Variants in NOX3 observed in about 807,000 individuals in gnomAD.
NOX3 encodes NADPH oxidase catalytic subunit-like 3.
Under a neutral mutation model 76.7 loss-of-function variants are expected in NOX3, and 74 were observed. The observed-to-expected ratio is 0.96, with a 90% CI of 0.80 to 1.17. The LOEUF is 1.17. Among genes scored for constraint, NOX3 ranks in the 50% most tolerant of loss-of-function variants. NOX3 has a pLI of 0.00. For missense variants in NOX3, 695 were observed against 703.3 expected (o/e 0.99, Z 0.13); for synonymous variants, 263 against 261.1 (o/e 1.01, Z -0.07).
chr6:155,423,728 T>G (rs931171703), intron 9 of NOX3, among the ~76,000 whole-genome samples: 4 of 151,026 alleles, frequency 2.6e-5, no homozygotes, highest in African/African-American at 9.7e-5. Context: ...TTTCTGTTCT[T>G]TTCTTTTTCT....
At chr6:155,414,445 C>A (rs1395393970) in intron 10 of NOX3, among the ~76,000 whole-genome samples, 2 of 151,996 alleles carry the variant, frequency 1.3e-5, no homozygotes, top group Admixed American at 6.6e-5. Flanking sequence ...AGAAAGCATG[C>A]CTTTTCAGAA....
chr6:155,441,084 A>G (rs1354476118), intron 5 of NOX3, among the ~76,000 whole-genome samples: 1 of 152,218 alleles, frequency 6.6e-6, no homozygotes, highest in African/African-American at 2.4e-5. Flanking sequence ...CTGTGAGTGC[A>G]AGGGACAGTA....
At chr6:155,427,402 A>AC (rs1776771741) in intron 9 of NOX3, among the ~76,000 whole-genome samples, 1 of 152,262 alleles carries the variant, frequency 6.6e-6, no homozygotes, top group Non-Finnish European at 1.5e-5. Context: ...TTTGTCACCA[A>AC]TAAATATTTG....
At chr6:155,411,918 T>C (rs1776556906) in intron 10 of NOX3, among the ~76,000 whole-genome samples, 1 of 152,156 alleles carries the variant, frequency 6.6e-6, no homozygotes, top group African/African-American at 2.4e-5. Context: ...AGCTGGTGGG[T>C]GGCGGCTGTG....
chr6:155,446,775 T>A (rs1340238381), intron 4 of NOX3, among the ~76,000 whole-genome samples: 2 of 152,176 alleles, frequency 1.3e-5, no homozygotes, highest in African/African-American at 2.4e-5. Flanking sequence ...GTCCTCATTG[T>A]AGGTTGGTGT....
At chr6:155,402,832 G>A (rs1203644422) in intron 12 of NOX3, among the ~76,000 whole-genome samples, 1 of 152,178 alleles carries the variant, frequency 6.6e-6, no homozygotes, top group Non-Finnish European at 1.5e-5. Flanking sequence ...AAATGGTTGA[G>A]AGCCTACTTC....
intron 11 of NOX3, among the ~76,000 whole-genome samples, chr6:155,410,226 A>T (rs1463196230): frequency 6.6e-6 from 1 of 152,178 alleles, no homozygotes; most frequent in Non-Finnish European, 1.5e-5. Context: ...TCATTAAGCT[A>T]CTGAATTTCT....
rs1479365654 is a variant in NOX3 at position 155,395,496 on chromosome 6, C to T, written c.*106G>A. 3 of 152,102 alleles carry T rather than the reference C, an allele frequency of 2.0e-5. No individual in the cohort carries two copies. The highest frequency in any genetic ancestry group is 2.9e-5 in the Non-Finnish European group (2 of 68,020). The allele number at this position is 152,102 out of a possible 1,614,324, so 9.4% of individuals were successfully genotyped here. A position where few individuals can be genotyped will look rare whatever the true frequency, so the allele number is the denominator to read the frequency against. ...ATAGTTAATTATTATTCACCAGTTC[C>T]CAACTGGGAGCTCATATCAACAGGC... On this transcript the variant is annotated 3_prime_UTR_variant, in exon 14 of 14. Coordinates refer to ENST00000159060, the MANE Select transcript of NOX3 (RefSeq NM_015718.3).
chr6:155,407,372 G>A, intron 11 of NOX3, 118 bp from the exon 12 acceptor site: 1 of 947,594 alleles, frequency 1.1e-6, no homozygotes, highest in Non-Finnish European at 1.5e-6. Context: ...TACAGGGCTG[G>A]CAATGCTTAT....
At chr6:155,427,531 G>A (rs899081393) in intron 9 of NOX3, among the ~76,000 whole-genome samples, 3 of 152,200 alleles carry the variant, frequency 2.0e-5, no homozygotes, top group African/African-American at 7.2e-5. Context: ...GAGATTCCGA[G>A]GAGGAAAGAC....
chr6:155,432,159 G>C (rs1318294912), intron 7 of NOX3, among the ~76,000 whole-genome samples: 2 of 151,814 alleles, frequency 1.3e-5, no homozygotes, highest in South Asian at 4.2e-4. Context: ...ATAAGGTCAG[G>C]GTAAATTACT....
chr6:155,421,646 G>C (rs774476651), intron 10 of NOX3, among the ~76,000 whole-genome samples: 3 of 152,020 alleles, frequency 2.0e-5, no homozygotes, highest in South Asian at 2.1e-4. Context: ...TCACTGCTTT[G>C]AACTCCCTAA....
At chr6:155,445,895 A>G (rs1029066378) in intron 4 of NOX3, among the ~76,000 whole-genome samples, 2 of 129,102 alleles carry the variant, frequency 1.5e-5, no homozygotes, top group African/African-American at 5.6e-5. Context: ...TGCTATATAT[A>G]TATATTATAT....
chr6:155,434,654 A>G (rs1017738765), intron 7 of NOX3, among the ~76,000 whole-genome samples: 3 of 152,202 alleles, frequency 2.0e-5, no homozygotes, highest in African/African-American at 7.2e-5. Context: ...CTCAGTCTTC[A>G]TATATTTTTA....
At chr6:155,396,086 A>G (rs1273724036) in intron 13 of NOX3, among the ~76,000 whole-genome samples, 1 of 152,200 alleles carries the variant, frequency 6.6e-6, no homozygotes, top group African/African-American at 2.4e-5. Context: ...ATGGAATTGA[A>G]TTTGAAAAAG....
intron 13 of NOX3, among the ~76,000 whole-genome samples, chr6:155,396,011 A>G (rs1233754389): frequency 4.6e-5 from 7 of 152,230 alleles, no homozygotes; most frequent in Non-Finnish European, 1.0e-4. Context: ...ATAAGCTCTA[A>G]GAAAGTCCCT....
intron 6 of NOX3, among the ~76,000 whole-genome samples, chr6:155,439,346 T>A (rs904571737): frequency 2.2e-4 from 33 of 152,314 alleles, no homozygotes; most frequent in African/African-American, 7.0e-4. Context: ...GGGGCTATGC[T>A]AGCTTCCTGA....
intron 4 of NOX3, among the ~76,000 whole-genome samples, chr6:155,449,785 T>C (rs1335322802): frequency 1.3e-5 from 2 of 152,170 alleles, no homozygotes; most frequent in Non-Finnish European, 2.9e-5. Flanking sequence ...TTTCCAAGGT[T>C]ACACACCTCT....
intron 11 of NOX3, 78 bp downstream of exon 11, chr6:155,411,136 A>G: frequency 8.0e-7 from 1 of 1,250,760 alleles, no homozygotes; most frequent in Non-Finnish European, 1.1e-6. Flanking sequence ...AGTGCTACAT[A>G]GCTCATTATT....
Sources: gnomAD v4.1 joint callset for allele counts (sites outside exome capture counted in the v4.1 genomes callset) on GRCh38, gnomAD v4.1.1 for gene constraint, MANE v1.5 for transcripts, NCBI Gene and HGNC (gene_info 2026-07-23, HGNC 2026-07-21) for gene names.